The following WWOX variants were observed in gnomAD, a reference collection of about 807,000 sequenced individuals.
WWOX encodes the protein WW domain-containing oxidoreductase.
Under a neutral mutation model 46.2 loss-of-function variants are expected in WWOX, and 69 were observed. The observed-to-expected ratio is 1.49, with a 90% CI of 1.23 to 1.82. WWOX has a LOEUF of 1.82. Among genes scored for constraint, WWOX ranks in the 40% most tolerant of loss-of-function variants. WWOX has a pLI of 0.00. For missense variants in WWOX, 919 were observed against 542.6 expected, an observed-to-expected ratio of 1.69 and a Z score of -6.89; for synonymous variants, 359 against 202.6, an observed-to-expected ratio of 1.77 and a Z score of -6.56.
At chr16:78,872,932 G>T (rs908613463) in intron 8 of WWOX, 1 of 152,138 alleles carries the variant, frequency 6.6e-6, no homozygotes. Flanking sequence ...TTTGTATCTG[G>T]GACCACAGGT....
At chr16:78,448,599 T>C (rs750035929) in intron 8 of WWOX, among the ~76,000 whole-genome samples, 1 of 152,130 alleles carries the variant, frequency 6.6e-6, no homozygotes, top group African/African-American at 2.4e-5. Flanking sequence ...TCAATGGCCA[T>C]GGAATTGAGA....
intron 8 of WWOX, among the ~76,000 whole-genome samples, chr16:78,562,941 C>T (rs1392635575): frequency 6.6e-6 from 1 of 152,128 alleles, no homozygotes; most frequent in Non-Finnish European, 1.5e-5. Context: ...AACTCTTACT[C>T]TGCCATATGC....
chr16:78,566,785 C>T (rs117356649), intron 8 of WWOX, among the ~76,000 whole-genome samples: 37 of 152,074 alleles, frequency 2.4e-4, no homozygotes, highest in Admixed American at 3.9e-4. Flanking sequence ...AACTGAGCAC[C>T]GATAGAGTAC....
chr16:78,883,706 A>C (rs368269443), intron 8 of WWOX, among the ~76,000 whole-genome samples: 4 of 151,720 alleles, frequency 2.6e-5, no homozygotes, highest in African/African-American at 7.3e-5. Context: ...CCTGGGCAAC[A>C]GAGCAAGACT....
intron 8 of WWOX, among the ~76,000 whole-genome samples, chr16:78,772,001 G>T (rs1024338061): frequency 6.6e-6 from 1 of 152,134 alleles, no homozygotes; most frequent in South Asian, 2.1e-4. Flanking sequence ...TAGTGTATAT[G>T]TGTGTTCTTA....
In WWOX at chr16:78,883,342, C is replaced by T. The variant is rs554098796; in HGVS notation, c.1057-328266C>T. On this transcript the variant is annotated intron_variant, in intron 8 of 8. Transcript: ENST00000566780. ...CATCCGGTGACATCCTGGATTAGAC[C>T]CTGAATCAGAAAAAGGACTGTAGTG... 4.0e-4 allele frequency among the ~76,000 whole-genome samples: 61 copies of T among 152,134 alleles called. 2 individuals are homozygous for T. The South Asian group carries it at 0.011, about 27-fold the overall frequency.
intron 8 of WWOX, among the ~76,000 whole-genome samples, chr16:78,843,681 G>A (rs1400071186): frequency 6.6e-6 from 1 of 152,146 alleles, no homozygotes; most frequent in Non-Finnish European, 1.5e-5. Flanking sequence ...CCTCTCCGTG[G>A]CTCAGCATGG....
intron 8 of WWOX, among the ~76,000 whole-genome samples, chr16:78,874,405 G>A (rs868636722): frequency 6.6e-6 from 1 of 152,116 alleles, no homozygotes; most frequent in South Asian, 2.1e-4. Flanking sequence ...TGCTAAAGCT[G>A]TCAAGTCCCG....
chr16:78,478,492 A>T (rs2084407175), intron 8 of WWOX, among the ~76,000 whole-genome samples: 1 of 152,126 alleles, frequency 6.6e-6, no homozygotes, highest in Non-Finnish European at 1.5e-5. Context: ...CTTCCACAAA[A>T]CAGGGCCAGG....
At chr16:78,135,155 C>G (rs765256401) in intron 4 of WWOX, among the ~76,000 whole-genome samples, 9 of 152,200 alleles carry the variant, frequency 5.9e-5, no homozygotes, top group Non-Finnish European at 1.2e-4. Context: ...CTCAGGCTTC[C>G]CGTCTTGGGA....
At chr16:79,129,039 C>T (rs906568211) in intron 8 of WWOX, among the ~76,000 whole-genome samples, 1 of 152,160 alleles carries the variant, frequency 6.6e-6, no homozygotes, top group African/African-American at 2.4e-5. Context: ...GTTCATTGTC[C>T]TGACACAGAA....
rs562455609 is a variant in WWOX, at chr16:78,321,348, A to G, written c.517-65512A>G. Reference sequence around the variant, plus strand: ...TATACGTATATATGCGTATATATATACGTATATATGCGTATATATATACGT... The same window carrying G: ...TATACGTATATATGCGTATATATATGCGTATATATGCGTATATATATACGT... On this transcript the variant is annotated intron_variant, in intron 5 of 8. Coordinates refer to ENST00000566780, the MANE Select transcript of WWOX (RefSeq NM_016373.4). 6.2e-3 allele frequency among the ~76,000 whole-genome samples: 318 copies of G among 51,690 alleles called. 15 individuals are homozygous for G. The highest frequency in any genetic ancestry group is 0.043 in the Middle Eastern group (4 of 94). 33.9% of individuals were successfully genotyped at this position (51,690 alleles called of 152,430 possible).
chr16:78,921,084 C>T (rs558109157), intron 8 of WWOX, among the ~76,000 whole-genome samples: 4 of 152,024 alleles, frequency 2.6e-5, no homozygotes, highest in African/African-American at 7.2e-5. Context: ...CTACATTACA[C>T]CTTGTAGCAA....
chr16:79,163,521 G>A lies in WWOX; in HGVS notation c.1057-48087G>A, dbSNP rs147638314. Among the ~76,000 whole-genome samples, 1,281 of 152,196 alleles carry A rather than the reference G, an allele frequency of 8.4e-3. 11 individuals are homozygous for A. Among genetic ancestry groups the A allele is most frequent in the African/African-American group, 0.029 (1,209 of 41,542 alleles). ...TTCATCATGATGTTAGAGAAAGGCC[G>A]GGCATGGTGGCTCACACCTGTAATC... is the stretch of plus-strand genomic sequence containing the variant. On this transcript the variant is annotated intron_variant, in intron 8 of 8. Transcript: ENST00000566780.
chr16:78,825,333 A>G, intron 8 of WWOX: 1 of 314,028 alleles, frequency 3.2e-6, no homozygotes, highest in Admixed American at 3.3e-5. Context: ...GGCATCTTCA[A>G]AGCTGAACGG....
intron 4 of WWOX, among the ~76,000 whole-genome samples, chr16:78,128,449 G>A (rs2151693038): frequency 6.6e-6 from 1 of 152,302 alleles, no homozygotes. Flanking sequence ...GTTGTGTTGA[G>A]ATTACACAGG....
At chr16:79,111,879 C>T (rs1169567184) in intron 8 of WWOX, among the ~76,000 whole-genome samples, 1 of 152,160 alleles carries the variant, frequency 6.6e-6, no homozygotes, top group East Asian at 1.9e-4. Context: ...TCCTGAATTC[C>T]AGTCCTCAAG....
chr16:78,271,510 C>T lies in WWOX; in HGVS notation c.516+107221C>T, dbSNP rs541864016. ...AGCCAACCACGAGAGCTTCACAGCT[C>T]AGAATTTTCAAGATGTGGATGTAGG... On this transcript the variant is annotated intron_variant, in intron 5 of 8. Transcript: ENST00000566780. Among the ~76,000 whole-genome samples the T allele has an allele frequency of 1.8e-4, 28 of 152,304 alleles. 1 individual carries two copies. In the South Asian group the frequency reaches 5.6e-3, roughly 30 times the overall value.
intron 8 of WWOX, among the ~76,000 whole-genome samples, chr16:78,813,546 G>A (rs547090311): frequency 1.3e-5 from 2 of 152,214 alleles, no homozygotes; most frequent in South Asian, 4.2e-4. Context: ...GTCTGGCTTT[G>A]ATGTATGTAT....
Sources: gnomAD v4.1 joint callset for allele counts (sites outside exome capture counted in the v4.1 genomes callset) on GRCh38, gnomAD v4.1.1 for gene constraint, MANE v1.5 for transcripts, NCBI Gene and HGNC (gene_info 2026-07-23, HGNC 2026-07-21) for gene names.